ATF7IP: variants seen among roughly 807,000 people sequenced by gnomAD.
ATF7IP encodes the protein activating transcription factor 7-interacting protein 1.
In ATF7IP, 23 loss-of-function variants were observed where a neutral mutation model predicts 106.4. The observed-to-expected ratio is 0.22, with a 90% CI of 0.16 to 0.31. ATF7IP has a LOEUF of 0.31. Among genes scored for constraint, ATF7IP ranks in the 10% least tolerant of loss-of-function variants. The pLI is 1.00. For missense variants in ATF7IP, 1,334 were observed against 1,524.3 expected (o/e 0.88, Z 2.08); for synonymous variants, 542 against 539.0 (o/e 1.01, Z -0.08).
At chr12:14,430,770 GTAAA>G (rs1942077632) in intron 2 of ATF7IP, among the ~76,000 whole-genome samples, 1 of 152,098 alleles carries the variant, frequency 6.6e-6, no homozygotes, top group Non-Finnish European at 1.5e-5. Context: ...CCCTGTTTTT[GTAAA>G]TAAAGTTTTA....
intron 8 of ATF7IP, among the ~76,000 whole-genome samples, 162 bp downstream of exon 8, chr12:14,457,457 G>A (rs1299132388): frequency 6.6e-6 from 1 of 152,248 alleles, no homozygotes; most frequent in African/African-American, 2.4e-5. Flanking sequence ...GGGTATGGTG[G>A]CACATGCTTA....
chr12:14,376,059 T>G lies in ATF7IP; in HGVS notation c.-8+10232T>G, dbSNP rs551511715. Reference sequence around the variant, plus strand: ...GACTCATTAAAAAACAAACGGGTATTTAAAGGAAAAAACGCCACACGATTA... The same window carrying G: ...GACTCATTAAAAAACAAACGGGTATGTAAAGGAAAAAACGCCACACGATTA... On this transcript the variant is annotated intron_variant, in intron 1 of 14. Coordinates refer to ENST00000261168, the MANE Select transcript of ATF7IP (RefSeq NM_018179.5). Among the ~76,000 whole-genome samples, 3 of 152,276 alleles carry G rather than the reference T, an allele frequency of 2.0e-5. No individual in the cohort carries two copies. The East Asian group carries it at 5.8e-4, about 29-fold the overall frequency.
chr12:14,388,305 C>G (rs1368188145), intron 1 of ATF7IP, among the ~76,000 whole-genome samples: 1 of 151,768 alleles, frequency 6.6e-6, no homozygotes. Context: ...CCGCCTTGGC[C>G]TCCCAAATTG....
rs556706780 is a variant in ATF7IP at position 14,445,548 on chromosome 12, C to A, written c.1930-1440C>A. Among the ~76,000 whole-genome samples the A allele has an allele frequency of 2.6e-5, 4 of 152,206 alleles. No homozygotes were observed. The East Asian group carries it at 7.7e-4, about 29-fold the overall frequency. ...TATTTTAGTCATCAGAAAGGTAAAT[C>A]CATGTTAAGGATATGAAATTATGCT... On this transcript the variant is annotated intron_variant, in intron 5 of 14. Transcript: ENST00000261168.
intron 1 of ATF7IP, among the ~76,000 whole-genome samples, chr12:14,412,723 A>G (rs796334078): frequency 6.6e-6 from 1 of 151,448 alleles, no homozygotes; most frequent in Non-Finnish European, 1.5e-5. Context: ...TTTAAGTTGT[A>G]TGACTTGTGG....
intron 13 of ATF7IP, among the ~76,000 whole-genome samples, chr12:14,488,222 T>C (rs1036130951): frequency 6.6e-6 from 1 of 151,920 alleles, no homozygotes; most frequent in Non-Finnish European, 1.5e-5. Context: ...ACGTATCCTA[T>C]AAATTTGTAG....
Position 14,477,126 on chromosome 12 carries a change from TATC to T in ATF7IP, c.2941+1161_2941+1163del, listed in dbSNP as rs1016753634. Among the ~76,000 whole-genome samples, 5 of 152,216 alleles carry T rather than the reference TATC, an allele frequency of 3.3e-5. No individual in the cohort carries two copies. In the South Asian group the frequency reaches 6.2e-4, roughly 19 times the overall value. On this transcript the variant is annotated intron_variant, in intron 11 of 14. Coordinates refer to ENST00000261168, the MANE Select transcript of ATF7IP (RefSeq NM_018179.5). ...TGATTATTGCACATGGAAAATATAA[TATC>T]ATGTGCTGAGTTACTTCTTATTATC...
intron 7 of ATF7IP, 52 bp downstream of exon 7, chr12:14,456,686 T>C (rs1311584196): frequency 7.7e-7 from 1 of 1,306,992 alleles, no homozygotes; most frequent in Non-Finnish European, 1.1e-6. Context: ...AGTTCTACTT[T>C]CTTTATTTGG....
intron 1 of ATF7IP, chr12:14,423,676 TC>T (rs1941666968): frequency 3.2e-6 from 1 of 315,690 alleles, no homozygotes; most frequent in African/African-American, 2.2e-5. Context: ...TTGTCCCTTT[TC>T]CCCCTAATAC....
At chr12:14,479,778 C>T (rs35161096) in intron 12 of ATF7IP, among the ~76,000 whole-genome samples, 3,413 of 152,120 alleles carry the variant, frequency 0.022, 36 homozygotes, top group Middle Eastern at 0.034. Context: ...GCCTATGTGA[C>T]TTTATTTCTG....
intron 1 of ATF7IP, among the ~76,000 whole-genome samples, chr12:14,415,750 G>C (rs1173542213): frequency 1.3e-5 from 2 of 148,884 alleles, no homozygotes; most frequent in Non-Finnish European, 3.0e-5. Flanking sequence ...TACCAGTTAA[G>C]AGAACCGTAG....
Position 14,425,022 on chromosome 12 carries a change from G to A in ATF7IP, c.1107G>A (p.Lys369=), listed in dbSNP as rs1941763157. 6.2e-7 allele frequency: 1 copy of A among 1,611,088 alleles called. No homozygotes were observed. Among genetic ancestry groups the A allele is most frequent in the South Asian group, 1.1e-5 (1 of 90,120 alleles). The change falls in exon 2 of 15, where the codon AAG becomes AAA. Residue 369 remains lysine, a synonymous_variant. Coordinates refer to ENST00000261168, the MANE Select transcript of ATF7IP (RefSeq NM_018179.5). ...CAGATCGACCTCCTGAAAATGAAAA[G>A]AAGGTAGAGGAAGATATTATCACAG... is the stretch of plus-strand genomic sequence containing the variant. The part of the protein sequence containing the change: ...ICSDRPPENE[K]KVEEDIITEL...
In ATF7IP at chr12:14,406,324, C is replaced by G. The variant is rs541018452; in HGVS notation, c.-7-17585C>G. On this transcript the variant is annotated intron_variant, in intron 1 of 14. Transcript: ENST00000261168. ...ATGTTGGCCAGGCTGGTGTCGAACT[C>G]CCAGCCTCATGTGATCCACCTGCCT... 3.3e-5 allele frequency among the ~76,000 whole-genome samples: 5 copies of G among 152,110 alleles called. No individual in the cohort carries two copies. The South Asian group carries it at 8.3e-4, about 25-fold the overall frequency.
At chr12:14,414,269 G>GT (rs1941078798) in intron 1 of ATF7IP, among the ~76,000 whole-genome samples, 1 of 152,144 alleles carries the variant, frequency 6.6e-6, no homozygotes, top group Admixed American at 6.5e-5. Flanking sequence ...CCCTTGGGAG[G>GT]TTTTTTACTT....
intron 10 of ATF7IP, among the ~76,000 whole-genome samples, chr12:14,471,291 T>C (rs1266264191): frequency 1.3e-5 from 2 of 152,130 alleles, no homozygotes; most frequent in Non-Finnish European, 1.5e-5. Context: ...TATAGCATGG[T>C]TAGTAGTGTA....
intron 1 of ATF7IP, 182 bp from the exon 2 acceptor site, chr12:14,423,726 AT>A: frequency 1.7e-6 from 1 of 576,844 alleles, no homozygotes; most frequent in Non-Finnish European, 2.7e-6. Flanking sequence ...GCCATTTTTG[AT>A]TTTGTATTAC....
At chr12:14,478,827 A>G (rs1944343791) in intron 12 of ATF7IP, among the ~76,000 whole-genome samples, 1 of 152,212 alleles carries the variant, frequency 6.6e-6, no homozygotes, top group South Asian at 2.1e-4. Flanking sequence ...CAGGTGTTTC[A>G]TGAATACAAA....
intron 13 of ATF7IP, among the ~76,000 whole-genome samples, chr12:14,483,714 C>T (rs760447522): frequency 2.0e-5 from 3 of 152,024 alleles, no homozygotes; most frequent in Non-Finnish European, 4.4e-5. Flanking sequence ...TCAGAGCATA[C>T]ACGGCCTTCT....
chr12:14,494,932 CAAAAAA>C (rs34929652), intron 13 of ATF7IP, among the ~76,000 whole-genome samples: 1 of 79,144 alleles, frequency 1.3e-5, no homozygotes, highest in East Asian at 3.9e-4. Context: ...GACTCTGTCT[CAAAAAA>C]AAAAAAAAAA....
Sources: allele counts gnomAD v4.1 joint callset (sites outside exome capture counted in the v4.1 genomes callset), GRCh38; gene constraint gnomAD v4.1.1; transcripts MANE v1.5; gene names NCBI Gene and HGNC (gene_info 2026-07-23, HGNC 2026-07-21).